The following LRFN2 variants were observed in gnomAD, a reference collection of about 807,000 sequenced individuals.
The protein encoded by LRFN2 is leucine rich repeat and fibronectin type III domain containing 2.
Under a neutral mutation model 37.3 loss-of-function variants are expected in LRFN2, and 18 were observed. That is an observed-to-expected ratio of 0.48 (90% CI 0.33 to 0.72). The LOEUF (loss-of-function observed/expected upper bound fraction) is 0.72, where lower values mean the gene tolerates loss of function less well. Ranked by LOEUF, LRFN2 falls within the 30% of genes least tolerant of loss-of-function variation. The probability of loss-of-function intolerance (pLI) is 0.02; values close to 1 mark genes in which losing one functional copy is unlikely to be tolerated. For missense variants in LRFN2, 1,006 were observed against 1,060.7 expected, an observed-to-expected ratio of 0.95 and a Z score of 0.72; for synonymous variants, 556 against 466.6, an observed-to-expected ratio of 1.19 and a Z score of -2.47.
At chr6:40,477,228 T>C (rs911662507) in intron 1 of LRFN2, among the ~76,000 whole-genome samples, 4 of 152,120 alleles carry the variant, frequency 2.6e-5, no homozygotes, top group African/African-American at 4.8e-5. Flanking sequence ...GTAACTCATG[T>C]TGGTGGTGGT....
At chr6:40,494,466 C>G (rs879651780) in intron 1 of LRFN2, among the ~76,000 whole-genome samples, 2 of 152,122 alleles carry the variant, frequency 1.3e-5, no homozygotes, top group African/African-American at 2.4e-5. Flanking sequence ...GCTTTAAAAC[C>G]CTTTCATTAT....
intron 1 of LRFN2, chr6:40,516,195 G>C (rs1381290057): frequency 1.3e-5 from 2 of 152,146 alleles, no homozygotes; most frequent in African/African-American, 4.8e-5. Flanking sequence ...ACCCCTTCAG[G>C]CTGGGTGACC....
rs573898279 is a variant in LRFN2 at position 40,562,252 on chromosome 6, T to A, written c.-19+24689A>T. Among the ~76,000 whole-genome samples, 8 of 152,052 alleles carry A rather than the reference T, an allele frequency of 5.3e-5. No homozygotes were observed. In the South Asian group the frequency reaches 1.7e-3, roughly 32 times the overall value. The stretch of plus-strand genomic sequence containing the variant: ...GATGGTGGTTAGGGTCAGGTAGAGA[T>A]TGGGCAGACGGAAGGAGGAACCATG... On this transcript the variant is annotated intron_variant, in intron 1 of 2. Coordinates refer to ENST00000338305, the MANE Select transcript of LRFN2 (RefSeq NM_020737.3).
chr6:40,556,751 A>ACACG (rs1554144347), intron 1 of LRFN2, among the ~76,000 whole-genome samples: 214 of 133,054 alleles, frequency 1.6e-3, no homozygotes, highest in African/African-American at 5.9e-3. Flanking sequence ...ACACACACAC[A>ACACG]CGCACACACT....
chr6:40,553,402 G>A (rs558085599), intron 1 of LRFN2, among the ~76,000 whole-genome samples: 33 of 152,304 alleles, frequency 2.2e-4, no homozygotes, highest in Admixed American at 1.2e-3. Flanking sequence ...ACTGAGTCAC[G>A]TCAAAGGAAA....
chr6:40,392,758 A>G lies in LRFN2; in HGVS notation c.1555T>C (p.Tyr519His). ...CTGTGCATGGACTGGCACTGCGGGT[A>G]GTCAGCCTTGGTGAAGAACTGGGCG... ...GCAQFFTKAD[Y>H]PQCQSMHSQI... Residue 519 changes from tyrosine to histidine, a missense_variant, in exon 3 of 3, where the codon TAC becomes CAC. Tyr to His is a moderately conservative substitution (Grantham distance 83). Coordinates refer to ENST00000338305, the MANE Select transcript of LRFN2 (RefSeq NM_020737.3). The surrounding 1 kb of genome is among the most constrained non-coding windows in gnomAD (Gnocchi z 4.7). 1 of 1,614,154 alleles carries G rather than the reference A, an allele frequency of 6.2e-7. No homozygotes were observed. The highest frequency in any genetic ancestry group is 1.3e-5 in the African/African-American group (1 of 75,060).
chr6:40,416,889 T>G (rs1474519440), intron 2 of LRFN2, among the ~76,000 whole-genome samples: 2 of 152,226 alleles, frequency 1.3e-5, no homozygotes, highest in African/African-American at 4.8e-5. Context: ...CCCTCCGAAC[T>G]GTGAAGGAAG....
At chr6:40,425,126 A>G (rs1763322219) in intron 2 of LRFN2, among the ~76,000 whole-genome samples, 1 of 152,188 alleles carries the variant, frequency 6.6e-6, no homozygotes, top group Non-Finnish European at 1.5e-5. Flanking sequence ...GTCTCCCAGG[A>G]CAGGACATGT....
chr6:40,423,868 T>G (rs1036736523), intron 2 of LRFN2, among the ~76,000 whole-genome samples: 1 of 152,204 alleles, frequency 6.6e-6, no homozygotes, highest in African/African-American at 2.4e-5. Flanking sequence ...GGACAGAAAC[T>G]GTGTGCTGAG....
intron 1 of LRFN2, among the ~76,000 whole-genome samples, chr6:40,542,850 C>T (rs1766581441): frequency 6.6e-6 from 1 of 152,210 alleles, no homozygotes; most frequent in Non-Finnish European, 1.5e-5. Context: ...CCCTAGGTCT[C>T]TGCAGATGCA....
chr6:40,551,740 A>G (rs187068247), intron 1 of LRFN2, among the ~76,000 whole-genome samples: 3 of 152,372 alleles, frequency 2.0e-5, no homozygotes, highest in African/African-American at 7.2e-5. Flanking sequence ...ATCATACACT[A>G]GCAGTGAACC....
At chr6:40,438,857 G>A (rs1296161835) in intron 1 of LRFN2, among the ~76,000 whole-genome samples, 1 of 152,144 alleles carries the variant, frequency 6.6e-6, no homozygotes, top group East Asian at 1.9e-4. Flanking sequence ...ATACATACTG[G>A]CAATAATAAA....
At chr6:40,523,235 G>T (rs996572810) in intron 1 of LRFN2, among the ~76,000 whole-genome samples, 5 of 152,180 alleles carry the variant, frequency 3.3e-5, no homozygotes, top group East Asian at 1.9e-4. Context: ...TCAATGCATG[G>T]TGAATTTGAA....
At chr6:40,437,862 C>A (rs1397156120) in intron 1 of LRFN2, among the ~76,000 whole-genome samples, 1 of 152,070 alleles carries the variant, frequency 6.6e-6, no homozygotes, top group African/African-American at 2.4e-5. Flanking sequence ...TGGAGAGGAA[C>A]CAGGATATCC....
At chr6:40,479,138 T>A (rs1412677572) in intron 1 of LRFN2, among the ~76,000 whole-genome samples, 1 of 152,222 alleles carries the variant, frequency 6.6e-6, no homozygotes, top group Non-Finnish European at 1.5e-5. Flanking sequence ...TGATAATGGT[T>A]CCTACCGCAG....
In LRFN2 at chr6:40,550,936, T is replaced by C. The variant is rs1185594185; in HGVS notation, c.-19+36005A>G. ...GATGGAGTATTTTTAAATGTGCATATGTAGTACAAGAGTATGTGTTGGCAG... is the reference window on the plus strand; with the variant it reads ...GATGGAGTATTTTTAAATGTGCATACGTAGTACAAGAGTATGTGTTGGCAG... On this transcript the variant is annotated intron_variant, in intron 1 of 2. Transcript: ENST00000338305. 2.0e-5 allele frequency among the ~76,000 whole-genome samples: 3 copies of C among 152,168 alleles called. No individual in the cohort carries two copies. The East Asian group carries it at 5.8e-4, about 29-fold the overall frequency.
intron 1 of LRFN2, among the ~76,000 whole-genome samples, chr6:40,518,515 C>T (rs200512392): frequency 1.3e-5 from 2 of 152,284 alleles, no homozygotes; most frequent in East Asian, 3.9e-4. Flanking sequence ...TGAAAATCTA[C>T]TGACCATAGA....
chr6:40,554,307 A>C (rs1766829517), intron 1 of LRFN2, among the ~76,000 whole-genome samples: 1 of 152,004 alleles, frequency 6.6e-6, no homozygotes, highest in Admixed American at 6.6e-5. Context: ...GACTAACCTC[A>C]TGCCCTCCTT....
intron 1 of LRFN2, among the ~76,000 whole-genome samples, chr6:40,510,234 T>C (rs1480907288): frequency 6.6e-6 from 1 of 152,114 alleles, no homozygotes; most frequent in Non-Finnish European, 1.5e-5. Flanking sequence ...TGCATGTGGG[T>C]ATGCCAAGGA....
Sources: allele counts gnomAD v4.1 joint callset (sites outside exome capture counted in the v4.1 genomes callset), GRCh38; gene constraint gnomAD v4.1.1; non-coding constraint Gnocchi (gnomAD v3.1); transcripts MANE v1.5; gene names NCBI Gene and HGNC (gene_info 2026-07-23, HGNC 2026-07-21).